BEND5: variants seen among roughly 807,000 people sequenced by gnomAD.
The protein encoded by BEND5 is BEN domain containing 5.
Under a neutral mutation model 43.9 loss-of-function variants are expected in BEND5, and 22 were observed. That is an observed-to-expected ratio of 0.50 (90% CI 0.36 to 0.72). BEND5 has a LOEUF of 0.72. BEND5 is among the 30% of genes least tolerant of loss of function. BEND5 has a pLI of 0.00. For missense variants in BEND5, 428 were observed against 550.6 expected (o/e 0.78, Z 2.23); for synonymous variants, 228 against 225.9 (o/e 1.01, Z -0.08).
rs1411226369 is a variant in BEND5 at position 48,776,829 on chromosome 1, CATGGTGGGCGCCG to C, written c.-11_2del. The C allele has an allele frequency of 7.3e-6, 11 of 1,503,018 alleles. No individual in the cohort carries two copies. The East Asian group carries it at 2.8e-4, about 39-fold the overall frequency. The allele number at this position is 1,503,018 out of a possible 1,614,324, so 93.1% of individuals were successfully genotyped here. On this transcript the variant is annotated start_lost and 5_prime_UTR_variant, in exon 1 of 6. Transcript: ENST00000371833. Reference sequence around the variant, plus strand: ...CCTCCAGGAACCGCACAAAGGCGTACATGGTGGGCGCCGGGGGCGGGCCCCGGTCGGGCAGCTC... The same window carrying C: ...CCTCCAGGAACCGCACAAAGGCGTACGGGGCGGGCCCCGGTCGGGCAGCTC...
intron 4 of BEND5, among the ~76,000 whole-genome samples, chr1:48,740,899 A>C (rs966033744): frequency 6.6e-6 from 1 of 152,174 alleles, no homozygotes; most frequent in Non-Finnish European, 1.5e-5. Context: ...CTGACTACCA[A>C]TTAGGTGCAA....
chr1:48,756,944 G>C (rs369287272), intron 3 of BEND5, among the ~76,000 whole-genome samples: 1 of 152,194 alleles, frequency 6.6e-6, no homozygotes, highest in Non-Finnish European at 1.5e-5. Flanking sequence ...AAGGCCTGTG[G>C]GATGGGAGAG....
intron 3 of BEND5, among the ~76,000 whole-genome samples, chr1:48,756,089 G>A (rs751127773): frequency 6.6e-6 from 1 of 152,296 alleles, no homozygotes; most frequent in Non-Finnish European, 1.5e-5. Context: ...TTAACAGAAT[G>A]TCAGGCACTA....
At chr1:48,748,475 A>C (rs1651120851) in intron 3 of BEND5, among the ~76,000 whole-genome samples, 1 of 152,182 alleles carries the variant, frequency 6.6e-6, no homozygotes, top group South Asian at 2.1e-4. Flanking sequence ...TGTGGCTAAC[A>C]AGCATTAGGA....
At chr1:48,770,496 G>C (rs897785258) in intron 1 of BEND5, among the ~76,000 whole-genome samples, 1 of 151,990 alleles carries the variant, frequency 6.6e-6, no homozygotes, top group African/African-American at 2.4e-5. Context: ...TTTAAAAGCC[G>C]ATGTTCTGCC....
rs1456799545 is a variant in BEND5 at position 48,736,301 on chromosome 1, T to G, written c.1046A>C (p.Lys349Thr). Residue 349 changes from lysine to threonine, a missense_variant, in exon 5 of 6, where the codon AAA (lysine) becomes ACA (threonine). Around this residue, in one of 4 missense-constraint regions of BEND5, gnomAD observed 75 missense variants for 148.5 expected, o/e 0.50. Coordinates refer to ENST00000371833, the MANE Select transcript of BEND5 (RefSeq NM_024603.4). This position sits in a 1 kb window ranked among gnomAD's most constrained non-coding sequence, Gnocchi z 4.0. The stretch of plus-strand genomic sequence containing the variant: ...TTTAGGGACTGCATCTTTCTTTTTT[T>G]TTGTGGCGACGCCTGTGACGCTTCT... ...KNRSVTGVATKKKKDAVPKPP... is the reference protein window; with the variant it reads ...KNRSVTGVATTKKKDAVPKPP... The G allele has an allele frequency of 6.2e-7, 1 of 1,614,096 alleles. No individual in the cohort carries two copies. The highest frequency in any genetic ancestry group is 2.2e-5 in the East Asian group (1 of 44,900).
chr1:48,735,897 C>T (rs1648964058), intron 5 of BEND5, among the ~76,000 whole-genome samples: 1 of 152,182 alleles, frequency 6.6e-6, no homozygotes, highest in African/African-American at 2.4e-5. Context: ...CTGCCGTATT[C>T]TTCAAGGCCC....
chr1:48,757,084 T>C (rs1009259108), intron 3 of BEND5, among the ~76,000 whole-genome samples: 40 of 152,220 alleles, frequency 2.6e-4, no homozygotes, highest in African/African-American at 9.2e-4. Flanking sequence ...GAGTGGTTTC[T>C]AGAGTTTAAA....
At chr1:48,763,559 G>A (rs1254129442) in intron 1 of BEND5, among the ~76,000 whole-genome samples, 1 of 152,076 alleles carries the variant, frequency 6.6e-6, no homozygotes, top group Non-Finnish European at 1.5e-5. Context: ...ATTTCTGAAT[G>A]TGTTGGGGCA....
intron 3 of BEND5, among the ~76,000 whole-genome samples, chr1:48,747,369 A>G (rs1429990973): frequency 6.6e-6 from 1 of 152,224 alleles, no homozygotes. Context: ...AGCTTTTAAA[A>G]AGTATGAAAG....
intron 1 of BEND5, among the ~76,000 whole-genome samples, chr1:48,763,355 A>C (rs1189837318): frequency 1.3e-5 from 2 of 152,208 alleles, no homozygotes; most frequent in Non-Finnish European, 2.9e-5. Flanking sequence ...GGGTTTTCTA[A>C]AAGAGCAACA....
chr1:48,748,512 G>C (rs556982533), intron 3 of BEND5, among the ~76,000 whole-genome samples: 30 of 152,314 alleles, frequency 2.0e-4, no homozygotes, highest in African/African-American at 7.2e-4. Flanking sequence ...AGCAAAGGAG[G>C]GGGTGCTGCC....
chr1:48,752,295 G>C (rs898910189), intron 3 of BEND5, among the ~76,000 whole-genome samples: 1 of 152,178 alleles, frequency 6.6e-6, no homozygotes, highest in African/African-American at 2.4e-5. Flanking sequence ...GCCCCAAGAA[G>C]AGAGTCCTGG....
intron 1 of BEND5, among the ~76,000 whole-genome samples, chr1:48,772,609 C>T (rs1488307336): frequency 1.3e-5 from 2 of 152,046 alleles, no homozygotes; most frequent in African/African-American, 2.4e-5. Flanking sequence ...GAATGCCAGG[C>T]TAAGAAACTA....
At chr1:48,765,864 A>C (rs1644502758) in intron 1 of BEND5, among the ~76,000 whole-genome samples, 1 of 152,224 alleles carries the variant, frequency 6.6e-6, no homozygotes, top group Non-Finnish European at 1.5e-5. Flanking sequence ...GAATGGGTAA[A>C]TCCATAGAGA....
chr1:48,770,514 G>A (rs997184953), intron 1 of BEND5, among the ~76,000 whole-genome samples: 2 of 151,744 alleles, frequency 1.3e-5, no homozygotes, highest in African/African-American at 4.8e-5. Context: ...GCCCTTGCAC[G>A]CTTCTCTCAC....
intron 1 of BEND5, 80 bp downstream of exon 1, chr1:48,776,526 C>CCTCCGCCCGGGCCCCCGG (rs1553231978): frequency 6.5e-6 from 7 of 1,083,686 alleles, no homozygotes; most frequent in Non-Finnish European, 8.6e-6. Flanking sequence ...CCCCCGGTCC[C>CCTCCGCCCGGGCCCCCGG]CTCCGCCCGG....
intron 5 of BEND5, among the ~76,000 whole-genome samples, chr1:48,730,261 C>T (rs984085598): frequency 6.6e-6 from 1 of 152,164 alleles, no homozygotes. Context: ...CCCATAGTGA[C>T]TTTGTAGGAA....
chr1:48,745,173 T>TGAGAGGGGAGGAA (rs1361311559), intron 3 of BEND5, among the ~76,000 whole-genome samples: 8 of 152,022 alleles, frequency 5.3e-5, no homozygotes, highest in Admixed American at 2.0e-4. Context: ...CTTCATGACA[T>TGAGAGGGGAGGAA]GAGAGGGGAG....
Sources: allele counts gnomAD v4.1 joint callset (sites outside exome capture counted in the v4.1 genomes callset), GRCh38; gene constraint gnomAD v4.1.1; regional missense constraint gnomAD v4.1.1; non-coding constraint Gnocchi (gnomAD v3.1); transcripts MANE v1.5; gene names NCBI Gene and HGNC (gene_info 2026-07-23, HGNC 2026-07-21).